The following ADAMTSL1 variants were observed in gnomAD, a reference collection of about 807,000 sequenced individuals.
The protein encoded by ADAMTSL1 is ADAMTS-like protein 1.
In ADAMTSL1, 126 loss-of-function variants were observed where a neutral mutation model predicts 201.8. The observed-to-expected ratio is 0.62, with a 90% CI of 0.54 to 0.72. The LOEUF (loss-of-function observed/expected upper bound fraction) is 0.72. Ranked by LOEUF, ADAMTSL1 falls within the 30% of genes least tolerant of loss-of-function variation. ADAMTSL1 has a pLI of 0.00. For missense variants in ADAMTSL1, 2,679 were observed against 2,277.8 expected (o/e 1.18, Z -3.59); for synonymous variants, 1,121 against 903.4 (o/e 1.24, Z -4.32).
chr9:18,657,106 CT>C (rs1390728976), intron 7 of ADAMTSL1, among the ~76,000 whole-genome samples: 1 of 152,160 alleles, frequency 6.6e-6, no homozygotes, highest in African/African-American at 2.4e-5. Flanking sequence ...AGAAGTTTGC[CT>C]TTTAGCAAGC....
intron 1 of ADAMTSL1, among the ~76,000 whole-genome samples, chr9:18,102,739 G>C (rs1268633541): frequency 3.3e-5 from 5 of 152,186 alleles, no homozygotes; most frequent in Non-Finnish European, 7.3e-5. Flanking sequence ...GTAAAAGGAA[G>C]TTACAGAGAT....
chr9:18,751,577 A>C (rs2133602141), intron 15 of ADAMTSL1, among the ~76,000 whole-genome samples: 1 of 152,326 alleles, frequency 6.6e-6, no homozygotes, highest in Non-Finnish European at 1.5e-5. Context: ...TTAACCAATA[A>C]CATTAACTAT....
chr9:18,615,510 T>A (rs997304204), intron 4 of ADAMTSL1, among the ~76,000 whole-genome samples: 4 of 152,232 alleles, frequency 2.6e-5, no homozygotes, highest in African/African-American at 9.6e-5. Flanking sequence ...TATTGCCATA[T>A]AAATATTGTA....
Position 18,504,840 on chromosome 9 carries a change from C to G in ADAMTSL1, c.75C>G (p.Thr25=). 6.2e-7 allele frequency: 1 copy of G among 1,614,140 alleles called. No individual in the cohort carries two copies. Among genetic ancestry groups the G allele is most frequent in the Middle Eastern group, 1.6e-4 (1 of 6,062 alleles). ...TTTGTTTCTCACAGAGTTCCAGGAC[C>G]GCACGCTCCGAGGAGGACCGGGACG... is the stretch of plus-strand genomic sequence containing the variant. The part of the protein sequence containing the change: ...FLAFLLLSSR[T]ARSEEDRDGL... Residue 25 remains threonine, a synonymous_variant, in exon 2 of 29, where the codon ACC becomes ACG. Coordinates refer to ENST00000380548, the MANE Select transcript of ADAMTSL1 (RefSeq NM_001040272.6).
chr9:17,957,919 A>C (rs922956333), intron 1 of ADAMTSL1, among the ~76,000 whole-genome samples: 2 of 152,156 alleles, frequency 1.3e-5, no homozygotes, highest in Non-Finnish European at 2.9e-5. Flanking sequence ...CCCTGCCAGC[A>C]TCTTGATTTT....
intron 2 of ADAMTSL1, among the ~76,000 whole-genome samples, chr9:18,196,861 C>T (rs999180790): frequency 5.9e-5 from 9 of 152,036 alleles, no homozygotes; most frequent in Non-Finnish European, 1.0e-4. Context: ...TCAACCTGAC[C>T]AGCTTCTTCA....
chr9:18,812,643 CTA>C lies in ADAMTSL1; in HGVS notation c.3806-4464_3806-4463del, dbSNP rs1823575026. 2.6e-5 allele frequency among the ~76,000 whole-genome samples: 4 copies of C among 152,126 alleles called. 1 individual carries two copies. The highest frequency in any genetic ancestry group is 4.8e-5 in the African/African-American group (2 of 41,426). On this transcript the variant is annotated intron_variant, in intron 20 of 28. Coordinates refer to ENST00000380548, the MANE Select transcript of ADAMTSL1 (RefSeq NM_001040272.6). ...AGACTAATGTCATGAAGTGTTTCCTCTATGTTTTTTCCTAGTAGTTTTATCAT... is the reference window on the plus strand; with the variant it reads ...AGACTAATGTCATGAAGTGTTTCCTCTGTTTTTTCCTAGTAGTTTTATCAT...
intron 4 of ADAMTSL1, among the ~76,000 whole-genome samples, chr9:18,592,499 G>C (rs1273185395): frequency 6.6e-6 from 1 of 152,174 alleles, no homozygotes; most frequent in East Asian, 1.9e-4. Context: ...AAGAGGATCA[G>C]CTTCGATGAT....
rs188488755 is a variant in ADAMTSL1 at position 18,128,416 on chromosome 9, G to A, written c.88-35446G>A. Among the ~76,000 whole-genome samples the A allele has an allele frequency of 1.6e-4, 24 of 152,202 alleles. No homozygotes were observed. In the East Asian group the frequency reaches 2.9e-3, roughly 18 times the overall value. ...TCACTCCTGCCACCCAGGCTGCAGC[G>A]TAGTGGTGCAATCATGGCTCACTGC... On this transcript the variant is annotated intron_variant, in intron 1 of 29. Coordinates refer to the ADAMTSL1 transcript ENST00000680146.
chr9:18,652,510 A>G (rs751958635), intron 7 of ADAMTSL1, among the ~76,000 whole-genome samples: 1 of 152,204 alleles, frequency 6.6e-6, no homozygotes. Flanking sequence ...TGAAACAGCA[A>G]TATGCATTCA....
rs139332733 is a variant in ADAMTSL1 at position 18,853,918 on chromosome 9, T to TGTGTGTGTGTGTGC, written c.4249+23942_4249+23943insTGTGTGTGTGTGCG. On this transcript the variant is annotated intron_variant, in intron 23 of 28. Transcript: ENST00000380548. ...GTGTGTGTGTGTGTGTGTGTGTGTG[T>TGTGTGTGTGTGTGC]GCGCGTGCATGCAAATAGTTGATTA... Among the ~76,000 whole-genome samples, 346 of 145,460 alleles carry TGTGTGTGTGTGTGC rather than the reference T, an allele frequency of 2.4e-3. 2 individuals are homozygous for TGTGTGTGTGTGTGC. Among genetic ancestry groups the TGTGTGTGTGTGTGC allele is most frequent in the African/African-American group, 5.3e-3 (213 of 40,024 alleles).
intron 20 of ADAMTSL1, among the ~76,000 whole-genome samples, chr9:18,816,255 C>T (rs117996268): frequency 4.8e-3 from 732 of 152,180 alleles, no homozygotes; most frequent in Non-Finnish European, 7.8e-3. Flanking sequence ...CTTTCTGTAT[C>T]ATTTCTTTTT....
intron 1 of ADAMTSL1, among the ~76,000 whole-genome samples, chr9:18,111,472 T>C (rs1825004698): frequency 6.6e-6 from 1 of 152,156 alleles, no homozygotes; most frequent in South Asian, 2.1e-4. Flanking sequence ...GAAGCCCTTT[T>C]AAACTATTTT....
chr9:18,830,297 G>T (rs953504348), intron 23 of ADAMTSL1, among the ~76,000 whole-genome samples: 1 of 152,154 alleles, frequency 6.6e-6, no homozygotes, highest in African/African-American at 2.4e-5. Flanking sequence ...CAGCAGTAAA[G>T]AACAGCTCCT....
rs78651855 is a variant in ADAMTSL1, at chr9:18,495,280, T to C, written c.64-9549T>C. ...GCATGCAGGATTAGAAACTTCACAT[T>C]CATGTGAAAGCAACGCGTCCCTCAA... On this transcript the variant is annotated intron_variant, in intron 1 of 28. Coordinates refer to ENST00000380548, the MANE Select transcript of ADAMTSL1 (RefSeq NM_001040272.6). Among the ~76,000 whole-genome samples, 1,218 of 152,218 alleles carry C rather than the reference T, an allele frequency of 8.0e-3. 14 individuals carry two copies. The highest frequency in any genetic ancestry group is 0.028 in the African/African-American group (1,155 of 41,520).
At chr9:18,248,504 G>C (rs1831346245) in intron 2 of ADAMTSL1, among the ~76,000 whole-genome samples, 1 of 151,938 alleles carries the variant, frequency 6.6e-6, no homozygotes, top group Non-Finnish European at 1.5e-5. Context: ...TTAACCAGTA[G>C]GTTGAGTACT....
Position 18,347,087 on chromosome 9 carries a change from C to T in ADAMTSL1, c.208-157742C>T, listed in dbSNP as rs554847936. Among the ~76,000 whole-genome samples, 4 of 152,214 alleles carry T rather than the reference C, an allele frequency of 2.6e-5. No individual in the cohort carries two copies. The East Asian group carries it at 5.8e-4, about 22-fold the overall frequency. On this transcript the variant is annotated intron_variant, in intron 2 of 29. Transcript: ENST00000680146. Reference sequence around the variant, plus strand: ...AATTCCTCCAAGCTTTGCAGAGGCTCATCTTGTTTGAAAGAGAAATGTGCC... The same window carrying T: ...AATTCCTCCAAGCTTTGCAGAGGCTTATCTTGTTTGAAAGAGAAATGTGCC...
intron 1 of ADAMTSL1, among the ~76,000 whole-genome samples, chr9:18,112,779 T>C (rs1414159647): frequency 1.3e-5 from 2 of 152,156 alleles, no homozygotes; most frequent in Non-Finnish European, 2.9e-5. Context: ...ATGTAAATGT[T>C]ATGAAGGCAG....
intron 2 of ADAMTSL1, among the ~76,000 whole-genome samples, chr9:18,193,699 G>A (rs1448569963): frequency 2.0e-5 from 3 of 152,106 alleles, no homozygotes; most frequent in African/African-American, 4.8e-5. Flanking sequence ...CCGTCTGTTT[G>A]GACAGCCTAC....
Sources: allele counts gnomAD v4.1 joint callset (sites outside exome capture counted in the v4.1 genomes callset), GRCh38; gene constraint gnomAD v4.1.1; transcripts MANE v1.5; gene names NCBI Gene and HGNC (gene_info 2026-07-23, HGNC 2026-07-21).